The following NPAS3 variants were observed in gnomAD, a reference collection of about 807,000 sequenced individuals.
The protein encoded by NPAS3 is neuronal PAS domain-containing protein 3.
In NPAS3, 14 loss-of-function variants were observed where a neutral mutation model predicts 73.1. The ratio of observed to expected loss-of-function variants is 0.19; its 90% confidence interval spans 0.13 to 0.30. NPAS3 has a LOEUF of 0.30. Among genes scored for constraint, NPAS3 ranks in the 10% least tolerant of loss-of-function variants. The pLI, the probability that NPAS3 is intolerant of heterozygous loss-of-function variation, is 1.00. For missense variants in NPAS3, 1,096 were observed against 1,250.0 expected, an observed-to-expected ratio of 0.88 and a Z score of 1.86; for synonymous variants, 620 against 541.5, an observed-to-expected ratio of 1.14 and a Z score of -2.01.
At chr14:33,296,715 T>C (rs1190233161) in intron 3 of NPAS3, among the ~76,000 whole-genome samples, 2 of 152,228 alleles carry the variant, frequency 1.3e-5, no homozygotes, top group East Asian at 1.9e-4. Flanking sequence ...TTCGACTCCA[T>C]TTTTCTTGGT....
intron 6 of NPAS3, among the ~76,000 whole-genome samples, chr14:33,687,525 C>T (rs1390470884): frequency 6.6e-6 from 1 of 152,162 alleles, no homozygotes; most frequent in African/African-American, 2.4e-5. Context: ...TTAGACACAG[C>T]AGGGATTGAT....
chr14:33,507,045 A>G (rs1405084079), intron 4 of NPAS3, among the ~76,000 whole-genome samples: 1 of 151,968 alleles, frequency 6.6e-6, no homozygotes, highest in East Asian at 1.9e-4. Context: ...CTCCATGAGG[A>G]GTGACGTAAA....
At chr14:33,530,242 C>G (rs2053981321) in intron 4 of NPAS3, among the ~76,000 whole-genome samples, 1 of 152,110 alleles carries the variant, frequency 6.6e-6, no homozygotes. Flanking sequence ...AATGTGCAAT[C>G]AAAACTGCAA....
At chr14:33,202,410 AAAAG>A (rs1369022300) in intron 2 of NPAS3, among the ~76,000 whole-genome samples, 3 of 152,148 alleles carry the variant, frequency 2.0e-5, no homozygotes, top group East Asian at 3.8e-4. Flanking sequence ...CTTAAAAAAA[AAAAG>A]AGAGAAATGT....
chr14:33,136,470 T>C (rs543199018), intron 2 of NPAS3, among the ~76,000 whole-genome samples: 2 of 152,356 alleles, frequency 1.3e-5, no homozygotes, highest in African/African-American at 4.8e-5. Context: ...TGAGCAGTTC[T>C]ATATAGTTTT....
chr14:33,271,556 C>T (rs563610227), intron 3 of NPAS3, among the ~76,000 whole-genome samples: 1 of 152,108 alleles, frequency 6.6e-6, no homozygotes, highest in East Asian at 1.9e-4. Flanking sequence ...AGAAGCTTCC[C>T]AACAGCCTTG....
At chr14:33,536,559 T>C (rs1439634301) in intron 4 of NPAS3, among the ~76,000 whole-genome samples, 3 of 152,304 alleles carry the variant, frequency 2.0e-5, no homozygotes, top group African/African-American at 7.2e-5. Flanking sequence ...AGCTATGCAG[T>C]TCCCATCAGC....
Position 33,676,208 on chromosome 14 carries a change from T to C in NPAS3, c.559-3T>C, listed in dbSNP as rs1218247690. The C allele has an allele frequency of 6.2e-7, 1 of 1,613,758 alleles. No individual in the cohort carries two copies. The highest frequency in any genetic ancestry group is 1.3e-5 in the African/African-American group (1 of 75,034). On this transcript the variant is annotated splice_polypyrimidine_tract_variant and splice_region_variant and intron_variant, in intron 5 of 11. Transcript: ENST00000356141. The stretch of plus-strand genomic sequence containing the variant: ...CCTTCCCACCCTTTCTCTCGCCCTC[T>C]AGGTGGAGCTGACAGGCAGCAGTGT...
intron 3 of NPAS3, among the ~76,000 whole-genome samples, chr14:33,298,444 A>G (rs1191080228): frequency 6.6e-6 from 1 of 152,156 alleles, no homozygotes; most frequent in African/African-American, 2.4e-5. Context: ...GTTTCAGGGA[A>G]ATCTTTAGAG....
At chr14:33,563,138 A>G (rs1301433340) in intron 5 of NPAS3, among the ~76,000 whole-genome samples, 1 of 152,222 alleles carries the variant, frequency 6.6e-6, no homozygotes, top group Non-Finnish European at 1.5e-5. Context: ...AGTTTGTTAC[A>G]GAGCATAGCT....
chr14:33,181,804 T>A (rs1372172302), intron 2 of NPAS3, among the ~76,000 whole-genome samples: 1 of 152,206 alleles, frequency 6.6e-6, no homozygotes, highest in Admixed American at 6.5e-5. Flanking sequence ...CCTTCCTACT[T>A]TCTGTCAGCC....
intron 2 of NPAS3, among the ~76,000 whole-genome samples, chr14:33,112,988 A>G (rs966421716): frequency 6.6e-6 from 1 of 151,984 alleles, no homozygotes; most frequent in African/African-American, 2.4e-5. Context: ...GATATGCGGC[A>G]TTATTTCTGA....
chr14:33,390,953 T>C (rs1231797598), intron 4 of NPAS3, among the ~76,000 whole-genome samples: 1 of 152,166 alleles, frequency 6.6e-6, no homozygotes, highest in Non-Finnish European at 1.5e-5. Flanking sequence ...AGGCATGCTG[T>C]GTCCTGTACT....
At chr14:33,795,453 G>A (rs565437714) in intron 10 of NPAS3, among the ~76,000 whole-genome samples, 9 of 152,304 alleles carry the variant, frequency 5.9e-5, no homozygotes, top group Admixed American at 5.2e-4. Context: ...GGGAATGCAG[G>A]TGGTTATAAA....
At chr14:33,147,445 A>G (rs2044272801) in intron 2 of NPAS3, among the ~76,000 whole-genome samples, 1 of 152,126 alleles carries the variant, frequency 6.6e-6, no homozygotes, top group African/African-American at 2.4e-5. Flanking sequence ...CTTTATAACT[A>G]TAATAGTAAA....
At chr14:33,215,290 C>T (rs780802256) in exon 3 of NPAS3, 13 of 1,563,306 alleles carry the variant, frequency 8.3e-6, no homozygotes, top group South Asian at 3.3e-5. Context: ...TTCCTGCAGC[C>T]ATTACCAGCC....
chr14:33,202,554 G>A (rs760909364), intron 2 of NPAS3, among the ~76,000 whole-genome samples: 4 of 152,204 alleles, frequency 2.6e-5, no homozygotes, highest in Admixed American at 6.5e-5. Flanking sequence ...AGAGGACTGA[G>A]CCTTTTTTTT....
chr14:32,987,974 C>T (rs1345619788), intron 1 of NPAS3, among the ~76,000 whole-genome samples: 2 of 151,980 alleles, frequency 1.3e-5, no homozygotes, highest in East Asian at 3.9e-4. Flanking sequence ...CTATTGGTAT[C>T]CTTATAAAGT....
At chr14:33,421,642 G>A (rs535502885) in intron 4 of NPAS3, among the ~76,000 whole-genome samples, 1 of 151,912 alleles carries the variant, frequency 6.6e-6, no homozygotes, top group Non-Finnish European at 1.5e-5. Flanking sequence ...TTAAAGGGTA[G>A]TAAATTATTC....
Sources: allele counts gnomAD v4.1 joint callset (sites outside exome capture counted in the v4.1 genomes callset), GRCh38; gene constraint gnomAD v4.1.1; transcripts MANE v1.5; gene names NCBI Gene and HGNC (gene_info 2026-07-23, HGNC 2026-07-21).